The following SERPINI2 variants were observed in gnomAD, a reference collection of about 807,000 sequenced individuals.
SERPINI2 encodes the protein serpin family I member 2.
Under a neutral mutation model 47.3 loss-of-function variants are expected in SERPINI2, and 48 were observed. That is an observed-to-expected ratio of 1.02 (90% confidence interval 0.81 to 1.29). The LOEUF (loss-of-function observed/expected upper bound fraction) is 1.29, where lower values mean the gene tolerates loss of function less well. Ranked by LOEUF, SERPINI2 falls within the 50% of genes most tolerant of loss-of-function variation. SERPINI2 has a pLI of 0.00. For synonymous variants in SERPINI2, 135 were observed against 149.3 expected (o/e 0.90, Z 0.70); for missense variants, 448 against 456.9 (o/e 0.98, Z 0.18).
chr3:167,471,453 C>T lies in SERPINI2; in HGVS notation c.247+135G>A, dbSNP rs928418255. 7 of 801,656 alleles carry T rather than the reference C, an allele frequency of 8.7e-6. No individual in the cohort carries two copies. In the Admixed American group the frequency reaches 1.4e-4, roughly 16 times the overall value. The allele number at this position is 801,656 out of a possible 1,614,324, so 49.7% of individuals were successfully genotyped here. A position where few individuals can be genotyped will look rare whatever the true frequency, so the allele number is the denominator to read the frequency against. On this transcript the variant is annotated intron_variant, in intron 2 of 8. Transcript: ENST00000264677. ...ATGAATGAAAATTACATTTACAATT[C>T]TCCATTTTATTACAATTTTGTACTT...
At chr3:167,447,028 A>G (rs1749498982) in intron 7 of SERPINI2, 1 of 152,150 alleles carries the variant, frequency 6.6e-6, no homozygotes, top group African/African-American at 2.4e-5. Context: ...CTGCCTTAAA[A>G]ATTACTTTCT....
upstream of SERPINI2, chr3:167,474,136 G>A (rs185839462): frequency 1.5e-4 from 145 of 992,860 alleles, no homozygotes; most frequent in Middle Eastern, 2.1e-3. Context: ...AATTCCTCTA[G>A]AACAAAAGCA....
At chr3:167,476,092 A>T (rs531921064), upstream of SERPINI2, among the ~76,000 whole-genome samples, 1 of 140,854 alleles carries the variant, frequency 7.1e-6, no homozygotes, top group African/African-American at 3.2e-5. Flanking sequence ...TAGTGTAAAT[A>T]TAAGTAATAC....
intron 5 of SERPINI2, among the ~76,000 whole-genome samples, chr3:167,462,906 A>C (rs1009130926): frequency 6.6e-6 from 1 of 152,206 alleles, no homozygotes; most frequent in African/African-American, 2.4e-5. Flanking sequence ...ACTGTGAAAC[A>C]TTCCTCTAAG....
At chr3:167,450,457 A>G (rs1482178997) in intron 6 of SERPINI2, among the ~76,000 whole-genome samples, 3 of 152,196 alleles carry the variant, frequency 2.0e-5, no homozygotes, top group African/African-American at 7.2e-5. Context: ...GCAAGACAAG[A>G]TAGATCTGAC....
At chr3:167,450,243 C>A (rs1250084420) in intron 6 of SERPINI2, among the ~76,000 whole-genome samples, 1 of 152,200 alleles carries the variant, frequency 6.6e-6, no homozygotes, top group Non-Finnish European at 1.5e-5. Context: ...CACTTTAAAA[C>A]CTGTTAAAAT....
At chr3:167,476,233 G>A (rs1750476948), upstream of SERPINI2, among the ~76,000 whole-genome samples, 1 of 151,826 alleles carries the variant, frequency 6.6e-6, no homozygotes, top group Non-Finnish European at 1.5e-5. Context: ...AATGCCTTCA[G>A]TTCTGTTAAG....
chr3:167,465,678 G>C lies in SERPINI2; in HGVS notation c.479-5C>G. ...AAAACATGTCTTTAATTTTTCCTAG[G>C]AAGTGGGTGGAGGAGGAGGTAAGAA... On this transcript the variant is annotated splice_region_variant and splice_polypyrimidine_tract_variant and intron_variant, in intron 3 of 8. Coordinates refer to ENST00000264677, the Ensembl canonical transcript of SERPINI2. 1 of 1,604,104 alleles carries C rather than the reference G, an allele frequency of 6.2e-7. No homozygotes were observed.
At chr3:167,449,383 A>C in exon 7 of SERPINI2, 1 of 1,611,766 alleles carries the variant, frequency 6.2e-7, no homozygotes, top group Middle Eastern at 1.7e-4. Flanking sequence ...TCACTTGGGA[A>C]ACATACACTT....
chr3:167,449,881 A>G (rs1749596391), intron 6 of SERPINI2, among the ~76,000 whole-genome samples: 1 of 152,230 alleles, frequency 6.6e-6, no homozygotes, highest in Admixed American at 6.5e-5. Context: ...AAGGTGATTT[A>G]TAGGTTTAGC....
intron 5 of SERPINI2, among the ~76,000 whole-genome samples, chr3:167,459,296 G>T (rs891153375): frequency 6.6e-6 from 1 of 151,772 alleles, no homozygotes; most frequent in Non-Finnish European, 1.5e-5. Context: ...GGATGGTCTC[G>T]ATCTCCTGAC....
chr3:167,442,187 T>C lies in SERPINI2; in HGVS notation c.1142-2A>G, dbSNP rs1238762768. The C allele has an allele frequency of 6.4e-7, 1 of 1,567,432 alleles. No homozygotes were observed. Reference sequence around the variant, plus strand: ...CTCTTCCCATAAACAGAATTGATTCTAGGGAAAAAAAAACAAAAAAATATA... The same window carrying C: ...CTCTTCCCATAAACAGAATTGATTCCAGGGAAAAAAAAACAAAAAAATATA... On this transcript the variant is annotated splice_acceptor_variant, in intron 8 of 8. Transcript: ENST00000264677. LOFTEE classifies it high-confidence loss of function.
chr3:167,466,213 G>T lies in SERPINI2; in HGVS notation c.479-540C>A, dbSNP rs115215283. On this transcript the variant is annotated intron_variant, in intron 3 of 8. Coordinates refer to ENST00000264677, the Ensembl canonical transcript of SERPINI2. ...TTTCCAAGTTATGAGAAATAGGCATGACTGGGTGCCATGGAGCTGTCTAGT... is the reference window on the plus strand; with the variant it reads ...TTTCCAAGTTATGAGAAATAGGCATTACTGGGTGCCATGGAGCTGTCTAGT... Among the ~76,000 whole-genome samples the T allele has an allele frequency of 7.8e-3, 1,194 of 152,256 alleles. 4 individuals carry two copies. The highest frequency in any genetic ancestry group is 0.013 in the Non-Finnish European group (881 of 68,010).
exon 2 of SERPINI2, chr3:167,471,692 G>A (rs1298726306): frequency 3.7e-6 from 6 of 1,613,472 alleles, no homozygotes; most frequent in Admixed American, 1.7e-5. Flanking sequence ...TCCAAGGGGT[G>A]AAAATATAAT....
At chr3:167,447,412 C>CT (rs1205955490) in intron 7 of SERPINI2, among the ~76,000 whole-genome samples, 1 of 152,136 alleles carries the variant, frequency 6.6e-6, no homozygotes, top group Non-Finnish European at 1.5e-5. Flanking sequence ...AATACTTGGA[C>CT]TTTTTTTGCT....
intron 6 of SERPINI2, among the ~76,000 whole-genome samples, chr3:167,451,084 T>A (rs766353846): frequency 6.6e-6 from 1 of 152,232 alleles, no homozygotes; most frequent in Non-Finnish European, 1.5e-5. Flanking sequence ...GTGCAAGTAA[T>A]ATTAATGTGA....
exon 2 of SERPINI2, chr3:167,471,664 C>T: frequency 6.2e-7 from 1 of 1,613,584 alleles, no homozygotes; most frequent in Non-Finnish European, 8.5e-7. Flanking sequence ...GTTGTACCAT[C>T]TCAAGAACCA....
At chr3:167,465,160 G>A in intron 5 of SERPINI2, 46 bp downstream of exon 5, 2 of 1,489,468 alleles carry the variant, frequency 1.3e-6, no homozygotes, top group Non-Finnish European at 9.2e-7. Context: ...AAATTCCTAT[G>A]TGAGTGGAAA....
chr3:167,460,594 C>T (rs1038050020), intron 5 of SERPINI2, among the ~76,000 whole-genome samples: 12 of 152,094 alleles, frequency 7.9e-5, no homozygotes, highest in Admixed American at 2.0e-4. Flanking sequence ...TAAACAATAA[C>T]AAATTTCTGT....
Sources: allele counts gnomAD v4.1 joint callset (sites outside exome capture counted in the v4.1 genomes callset), GRCh38; gene constraint gnomAD v4.1.1; transcripts MANE v1.5; gene names NCBI Gene and HGNC (gene_info 2026-07-23, HGNC 2026-07-21).